The following NCAM1 variants were observed in gnomAD, a reference collection of about 807,000 sequenced individuals.
The protein encoded by NCAM1 is neural cell adhesion molecule 1.
NCAM1 carries 14 observed loss-of-function variants against 109.8 expected under a neutral mutation model. That is an observed-to-expected ratio of 0.13 (90% CI 0.08 to 0.20). The LOEUF is 0.20. NCAM1 is among the 10% of genes least tolerant of loss of function. NCAM1 has a pLI of 1.00. For synonymous variants in NCAM1, 418 were observed against 442.9 expected, an observed-to-expected ratio of 0.94 and a Z score of 0.70; for missense variants, 774 against 1,109.9, an observed-to-expected ratio of 0.70 and a Z score of 4.30.
chr11:113,253,644 G>A (rs956797636), intron 15 of NCAM1, among the ~76,000 whole-genome samples: 5 of 152,114 alleles, frequency 3.3e-5, no homozygotes, highest in Admixed American at 2.0e-4. Flanking sequence ...AATTAGGAAC[G>A]TGCAGCCAGG....
At position 112,961,433 on chromosome 11, in the gene NCAM1, T is replaced by G; in HGVS notation, c.-180T>G. 2 of 763,760 alleles carry G rather than the reference T, an allele frequency of 2.6e-6. No individual in the cohort carries two copies. Among genetic ancestry groups the G allele is most frequent in the Non-Finnish European group, 4.9e-6 (2 of 411,296 alleles). 47.3% of individuals were successfully genotyped at this position (763,760 alleles called of 1,614,324 possible). On this transcript the variant is annotated 5_prime_UTR_variant, in exon 1 of 20. Coordinates refer to ENST00000316851, the MANE Select transcript of NCAM1 (RefSeq NM_181351.5). ...GCTGGGACTGTCACTCATTCTCCGA[T>G]CAGCGCGTGAACGCAGCTCGGCTGC...
At chr11:113,108,247 C>A (rs998835980) in intron 1 of NCAM1, among the ~76,000 whole-genome samples, 1 of 152,114 alleles carries the variant, frequency 6.6e-6, no homozygotes, top group Non-Finnish European at 1.5e-5. Context: ...TGTGTGAGGG[C>A]GAGGTAAGCA....
At chr11:112,993,252 T>C (rs1555070852) in intron 1 of NCAM1, among the ~76,000 whole-genome samples, 1 of 152,126 alleles carries the variant, frequency 6.6e-6, no homozygotes, top group Non-Finnish European at 1.5e-5. Flanking sequence ...CTTACAATCA[T>C]GGCAGAAGGC....
chr11:113,019,713 T>C (rs1216509066), intron 1 of NCAM1, among the ~76,000 whole-genome samples: 1 of 152,206 alleles, frequency 6.6e-6, no homozygotes, highest in Non-Finnish European at 1.5e-5. Flanking sequence ...CCATTGCTTC[T>C]TAGATATATT....
At chr11:113,214,675 T>C (rs1944477522) in intron 8 of NCAM1, among the ~76,000 whole-genome samples, 164 bp downstream of exon 8, 1 of 152,182 alleles carries the variant, frequency 6.6e-6, no homozygotes, top group Non-Finnish European at 1.5e-5. Flanking sequence ...GGACATGGCC[T>C]GCTCATCATC....
chr11:113,263,806 C>T (rs895896243), intron 17 of NCAM1: 1 of 985,524 alleles, frequency 1.0e-6, no homozygotes, highest in Middle Eastern at 5.2e-4. Context: ...GTGAACCAGG[C>T]ATTAGTCCCC....
chr11:113,108,812 G>C, intron 1 of NCAM1, among the ~76,000 whole-genome samples: 1 of 143,956 alleles, frequency 6.9e-6, no homozygotes, highest in Non-Finnish European at 1.5e-5. Flanking sequence ...GTCTCACCCT[G>C]TCGCCCAGGC....
rs372851183 is a variant in NCAM1 at position 113,270,321 on chromosome 11, T to C, written c.2265T>C (p.Ile755=). The C allele has an allele frequency of 1.5e-5, 25 of 1,613,872 alleles. No individual in the cohort carries two copies. The highest frequency in any genetic ancestry group is 2.0e-5 in the Non-Finnish European group (24 of 1,179,910). The change falls in exon 18 of 20, where the codon ATT becomes ATC. Residue 755 remains isoleucine, a synonymous_variant. Coordinates refer to ENST00000316851, the MANE Select transcript of NCAM1 (RefSeq NM_181351.5). ...ACAAGTGTGGCCTGTTCATGTGCAT[T>C]GCGGTCAACCTGTGTGGAAAAGCCG... is the stretch of plus-strand genomic sequence containing the variant. ...FLNKCGLFMC[I]AVNLCGKAGP...
intron 8 of NCAM1, among the ~76,000 whole-genome samples, chr11:113,216,967 A>G (rs1406094051): frequency 1.3e-5 from 2 of 152,210 alleles, no homozygotes; most frequent in Non-Finnish European, 2.9e-5. Context: ...TTGCTTCTAT[A>G]TAATTAGGAA....
intron 1 of NCAM1, among the ~76,000 whole-genome samples, chr11:113,185,067 T>TA (rs1555108632): frequency 0.026 from 1,799 of 69,264 alleles, 30 homozygotes; most frequent in South Asian, 0.057. Flanking sequence ...TGCATTTATA[T>TA]TTATATATAT....
At chr11:112,999,249 T>C (rs187005409) in intron 1 of NCAM1, among the ~76,000 whole-genome samples, 1 of 152,300 alleles carries the variant, frequency 6.6e-6, no homozygotes, top group African/African-American at 2.4e-5. Flanking sequence ...TTCACTCCTC[T>C]AAGTGGAAAA....
chr11:113,074,823 G>A (rs1309761272), intron 1 of NCAM1, among the ~76,000 whole-genome samples: 1 of 152,138 alleles, frequency 6.6e-6, no homozygotes, highest in Non-Finnish European at 1.5e-5. Flanking sequence ...GTAGAGAGGA[G>A]CGTTCACCAT....
At chr11:113,183,474 T>G (rs923126801) in intron 1 of NCAM1, among the ~76,000 whole-genome samples, 1 of 152,210 alleles carries the variant, frequency 6.6e-6, no homozygotes, top group African/African-American at 2.4e-5. Context: ...TGTCAGGTAG[T>G]GGAGAGCATT....
At chr11:113,129,635 G>A (rs896208169) in intron 1 of NCAM1, among the ~76,000 whole-genome samples, 19 of 152,120 alleles carry the variant, frequency 1.2e-4, no homozygotes, top group African/African-American at 4.6e-4. Flanking sequence ...AAACTCCTTA[G>A]AACTGATCTT....
chr11:113,108,119 T>A (rs1325921565), intron 1 of NCAM1, among the ~76,000 whole-genome samples: 2 of 152,192 alleles, frequency 1.3e-5, no homozygotes, highest in Non-Finnish European at 2.9e-5. Context: ...CTTTAAAGAT[T>A]AACTTATAGG....
chr11:113,170,162 A>C (rs1464856713), intron 1 of NCAM1, among the ~76,000 whole-genome samples: 1 of 152,162 alleles, frequency 6.6e-6, no homozygotes, highest in Non-Finnish European at 1.5e-5. Flanking sequence ...GATTGCTAGG[A>C]TTGTCCTTTC....
chr11:113,102,117 C>T (rs1294973724), intron 1 of NCAM1, among the ~76,000 whole-genome samples: 4 of 152,152 alleles, frequency 2.6e-5, no homozygotes, highest in Non-Finnish European at 4.4e-5. Context: ...ATAAACTCTA[C>T]CCTTGTATAA....
intron 1 of NCAM1, among the ~76,000 whole-genome samples, chr11:113,000,773 T>G (rs943822177): frequency 8.0e-5 from 12 of 149,750 alleles, no homozygotes; most frequent in Non-Finnish European, 1.2e-4. Context: ...AAAAATGCTT[T>G]TAAGCTCTTT....
At chr11:113,174,650 C>A (rs1165871363) in intron 1 of NCAM1, among the ~76,000 whole-genome samples, 2 of 152,144 alleles carry the variant, frequency 1.3e-5, no homozygotes, top group Non-Finnish European at 2.9e-5. Context: ...AACCTTATTG[C>A]AAATTCAGGA....
Sources: allele counts gnomAD v4.1 joint callset (sites outside exome capture counted in the v4.1 genomes callset), GRCh38; gene constraint gnomAD v4.1.1; transcripts MANE v1.5; gene names NCBI Gene and HGNC (gene_info 2026-07-23, HGNC 2026-07-21).